The following TEX9 variants were observed in gnomAD, a reference collection of about 807,000 sequenced individuals.
TEX9 encodes the protein testis expressed 9.
TEX9 carries 74 observed loss-of-function variants against 59.6 expected under a neutral mutation model. That is an observed-to-expected ratio of 1.24 (90% confidence interval 1.03 to 1.51). The LOEUF (loss-of-function observed/expected upper bound fraction) is 1.51. Ranked by LOEUF, TEX9 falls within the 40% of genes most tolerant of loss-of-function variation. The pLI is 0.00. For synonymous variants in TEX9, 186 were observed against 152.2 expected (o/e 1.22, Z -1.64); for missense variants, 522 against 447.8 (o/e 1.17, Z -1.49).
chr15:56,303,480 T>G (rs1401525233), intron 1 of TEX9, among the ~76,000 whole-genome samples: 5 of 152,044 alleles, frequency 3.3e-5, no homozygotes, highest in African/African-American at 9.7e-5. Context: ...ATTTAAAACT[T>G]TCTTGAAACA....
chr15:56,308,354 A>G (rs1210991438), intron 1 of TEX9, among the ~76,000 whole-genome samples: 2 of 152,062 alleles, frequency 1.3e-5, no homozygotes, highest in African/African-American at 4.8e-5. Flanking sequence ...ATGCTTATTG[A>G]CTATTTGTCT....
At chr15:56,258,699 A>G (rs573962199) in intron 1 of TEX9, among the ~76,000 whole-genome samples, 1 of 151,820 alleles carries the variant, frequency 6.6e-6, no homozygotes, top group Non-Finnish European at 1.5e-5. Flanking sequence ...AGTATGGTTT[A>G]TTCTTATTTA....
chr15:56,454,575 C>CT, the TEX9 span, among the ~76,000 whole-genome samples: 5 of 151,950 alleles, frequency 3.3e-5, no homozygotes, highest in African/African-American at 1.2e-4. Flanking sequence ...GTTCTGGCTG[C>CT]TTTTTTATGA....
downstream of TEX9, among the ~76,000 whole-genome samples, chr15:56,450,328 TCA>T (rs1367854735): frequency 6.6e-6 from 1 of 152,336 alleles, no homozygotes; most frequent in Non-Finnish European, 1.5e-5. Context: ...TTAATTACAT[TCA>T]CAGTGTTCTG....
intron 1 of TEX9, among the ~76,000 whole-genome samples, chr15:56,300,742 A>AGG (rs1555431681): frequency 1.4e-4 from 20 of 145,148 alleles, no homozygotes; most frequent in Admixed American, 4.2e-4. Context: ...AGAGAGAGAG[A>AGG]GAGACTTCAT....
At chr15:56,363,174 T>G (rs939978381), upstream of TEX9, among the ~76,000 whole-genome samples, 1 of 152,196 alleles carries the variant, frequency 6.6e-6, no homozygotes, top group Admixed American at 6.5e-5. Flanking sequence ...TGCTAGACCA[T>G]TTTCCACAGT....
At chr15:56,378,996 C>G (rs2554295) in intron 3 of TEX9, among the ~76,000 whole-genome samples, 1 of 147,678 alleles carries the variant, frequency 6.8e-6, no homozygotes, top group Non-Finnish European at 1.5e-5. Flanking sequence ...CCAGGAAGGT[C>G]TAGGCTGTAG....
intron 9 of TEX9, among the ~76,000 whole-genome samples, chr15:56,402,191 G>C (rs117835782): frequency 1.3e-5 from 2 of 152,074 alleles, no homozygotes; most frequent in African/African-American, 4.8e-5. Flanking sequence ...ATTAATCCAG[G>C]AGCTGGCTTT....
At chr15:56,417,327 G>C (rs1440433304) in intron 10 of TEX9, among the ~76,000 whole-genome samples, 1 of 151,770 alleles carries the variant, frequency 6.6e-6, no homozygotes, top group Non-Finnish European at 1.5e-5. Flanking sequence ...TTTTTGATGT[G>C]GGCGTTTAGT....
At chr15:56,443,515 A>C in intron 12 of TEX9, 1 of 1,594,974 alleles carries the variant, frequency 6.3e-7, no homozygotes. Flanking sequence ...TTGCCGCAGC[A>C]TTTCTTCTAA....
chr15:56,284,572 T>A (rs1422461987), intron 1 of TEX9, among the ~76,000 whole-genome samples: 1 of 152,060 alleles, frequency 6.6e-6, no homozygotes, highest in Non-Finnish European at 1.5e-5. Flanking sequence ...AGGAAATATA[T>A]AGGAATGAGA....
At chr15:56,276,393 T>C (rs2044669453) in intron 1 of TEX9, among the ~76,000 whole-genome samples, 1 of 152,160 alleles carries the variant, frequency 6.6e-6, no homozygotes, top group African/African-American at 2.4e-5. Context: ...TGTGTTCTCA[T>C]TGTCAACTCC....
At chr15:56,440,088 G>C (rs532506162) in intron 12 of TEX9, among the ~76,000 whole-genome samples, 5 of 152,078 alleles carry the variant, frequency 3.3e-5, no homozygotes, top group African/African-American at 1.2e-4. Flanking sequence ...AACCCAATTA[G>C]AGAATCAGCA....
chr15:56,245,605 C>G (rs1193877255), intron 1 of TEX9, among the ~76,000 whole-genome samples: 1 of 152,144 alleles, frequency 6.6e-6, no homozygotes, highest in Non-Finnish European at 1.5e-5. Flanking sequence ...ATAAAAATAG[C>G]TAATGTTTGT....
chr15:56,300,739 G>GAGAGAGAC (rs2045339072), intron 1 of TEX9, among the ~76,000 whole-genome samples: 1 of 148,564 alleles, frequency 6.7e-6, no homozygotes, highest in Non-Finnish European at 1.5e-5. Flanking sequence ...GAGAGAGAGA[G>GAGAGAGAC]AGAGAGACTT....
Position 56,443,957 on chromosome 15 carries a change from C to T in TEX9, c.*30-1714C>T, listed in dbSNP as rs1690275141. 5 of 880,196 alleles carry T rather than the reference C, an allele frequency of 5.7e-6. No individual in the cohort carries two copies. In the East Asian group the frequency reaches 1.4e-4, roughly 24 times the overall value. 54.5% of individuals were successfully genotyped at this position (880,196 alleles called of 1,614,324 possible). On this transcript the variant is annotated intron_variant, in intron 12 of 12. Transcript: ENST00000352903. Reference sequence around the variant, plus strand: ...GTACAGAAAAACACTATAGTTTTTTCATTCGTGCATGCAACAAACATTTTG... The same window carrying T: ...GTACAGAAAAACACTATAGTTTTTTTATTCGTGCATGCAACAAACATTTTG...
At position 56,331,207 on chromosome 15, in the gene TEX9, G is replaced by A. The variant is rs186579408; in HGVS notation, c.-106-42234G>A. ...ATAGACCTCAATATAATAATAGCTG[G>A]GGAATTCAACACACCACTTTCAGCA... On this transcript the variant is annotated intron_variant, in intron 1 of 5. Coordinates refer to the TEX9 transcript ENST00000560827. Among the ~76,000 whole-genome samples the A allele has an allele frequency of 4.7e-4, 72 of 152,208 alleles. No individual in the cohort carries two copies. In the East Asian group the frequency reaches 0.013, roughly 27 times the overall value.
chr15:56,358,480 A>G (rs1402173), intron 1 of TEX9, among the ~76,000 whole-genome samples: 22,462 of 151,974 alleles, frequency 0.15, 2,275 homozygotes, highest in East Asian at 0.38. Flanking sequence ...TTACATTTGC[A>G]GAAAAACTGA....
Position 56,375,651 on chromosome 15 carries a change from G to A in TEX9, c.183+2147G>A, listed in dbSNP as rs1312794014. On this transcript the variant is annotated intron_variant, in intron 3 of 12. Transcript: ENST00000352903. ...TTCTAGGGTTTTTATGGTTTTAGGTGTAACGTTTAAGTCTTTAATCCATCT... is the reference window on the plus strand; with the variant it reads ...TTCTAGGGTTTTTATGGTTTTAGGTATAACGTTTAAGTCTTTAATCCATCT... Among the ~76,000 whole-genome samples, 13 of 152,194 alleles carry A rather than the reference G, an allele frequency of 8.5e-5. 1 individual carries two copies. Among genetic ancestry groups the A allele is most frequent in the Admixed American group, 6.5e-4 (10 of 15,292 alleles).
Sources: gnomAD v4.1 joint callset for allele counts (sites outside exome capture counted in the v4.1 genomes callset) on GRCh38, gnomAD v4.1.1 for gene constraint, MANE v1.5 for transcripts, NCBI Gene and HGNC (gene_info 2026-07-23, HGNC 2026-07-21) for gene names.